The following PTPRB variants were observed in gnomAD, a reference collection of about 807,000 sequenced individuals.
PTPRB encodes the protein protein tyrosine phosphatase receptor type B, also known as receptor-type tyrosine-protein phosphatase beta.
PTPRB carries 97 observed loss-of-function variants against 238.1 expected under a neutral mutation model. The observed-to-expected ratio is 0.41, with a 90% confidence interval of 0.35 to 0.48. PTPRB has a LOEUF of 0.48. PTPRB is among the 20% of genes least tolerant of loss of function. PTPRB has a pLI of 0.30. For missense variants in PTPRB, 2,292 were observed against 2,681.9 expected (o/e 0.85, Z 3.21); for synonymous variants, 970 against 995.4 (o/e 0.97, Z 0.48).
chr12:70,617,860 G>A (rs1350081734), intron 3 of PTPRB, among the ~76,000 whole-genome samples: 3 of 151,892 alleles, frequency 2.0e-5, no homozygotes, highest in Non-Finnish European at 2.9e-5. Flanking sequence ...AGGGTGGGTG[G>A]GCAGGGAAAG....
intron 2 of PTPRB, among the ~76,000 whole-genome samples, chr12:70,632,082 A>G (rs1885476810): frequency 6.6e-6 from 1 of 152,192 alleles, no homozygotes; most frequent in Admixed American, 6.5e-5. Context: ...TACTGGGTAT[A>G]TACTCAAAGG....
intron 8 of PTPRB, among the ~76,000 whole-genome samples, chr12:70,588,628 TA>T (rs1882180746): frequency 6.6e-6 from 1 of 151,152 alleles, no homozygotes; most frequent in Non-Finnish European, 1.5e-5. Flanking sequence ...AGTGAAACTC[TA>T]TCTCAAAAAT....
intron 10 of PTPRB, among the ~76,000 whole-genome samples, chr12:70,578,085 C>T (rs531861845): frequency 6.6e-6 from 1 of 152,228 alleles, no homozygotes; most frequent in East Asian, 1.9e-4. Context: ...ATATGATTCA[C>T]ATGTTTAAGA....
chr12:70,611,417 T>C (rs1027198449), intron 3 of PTPRB, among the ~76,000 whole-genome samples: 1 of 152,216 alleles, frequency 6.6e-6, no homozygotes, highest in African/African-American at 2.4e-5. Context: ...GCCTTCCGTG[T>C]AGCTGGGATT....
intron 15 of PTPRB, 38 bp downstream of exon 15, chr12:70,566,397 G>A (rs1273784036): frequency 1.9e-6 from 3 of 1,598,722 alleles, no homozygotes; most frequent in Non-Finnish European, 2.6e-6. Context: ...GCAGACATTG[G>A]CAATATGTGC....
rs1270393778 is a variant in PTPRB, at chr12:70,572,763, G to T, written c.2843-676C>A. ...CACTCCAGCCTGGGTGATGGAGCAA[G>T]ACTCCATCTCATAAAAAAAAAAAAA... On this transcript the variant is annotated intron_variant, in intron 11 of 33. Coordinates refer to ENST00000334414, the MANE Select transcript of PTPRB (RefSeq NM_001109754.4). Among the ~76,000 whole-genome samples the T allele has an allele frequency of 9.4e-5, 11 of 116,742 alleles. No homozygotes were observed. In the Admixed American group the frequency reaches 1.0e-3, roughly 11 times the overall value. The allele number at this position is 116,742 out of a possible 152,430, so 76.6% of individuals were successfully genotyped here.
intron 9 of PTPRB, among the ~76,000 whole-genome samples, chr12:70,585,507 G>A (rs555491191): frequency 1.3e-5 from 2 of 152,058 alleles, no homozygotes; most frequent in Admixed American, 1.3e-4. Flanking sequence ...TCTTGTGTTA[G>A]TGAGTGATTT....
chr12:70,562,177 G>A (rs1000286038), intron 16 of PTPRB, among the ~76,000 whole-genome samples: 6 of 152,086 alleles, frequency 3.9e-5, no homozygotes, highest in African/African-American at 1.2e-4. Context: ...CCAGCTACTC[G>A]GGAGGCTGAA....
rs759247584 is a variant in PTPRB at position 70,635,954 on chromosome 12, C to CT, written c.167dup (p.Asp57GlyfsTer2). ...ATTTAACATGAAGGAGCTTTTCATC[C>CT]TCAGTCCACATCCACTGCTGGTTCT... is the stretch of plus-strand genomic sequence containing the variant. On this transcript the variant is annotated frameshift_variant, in exon 2 of 34. Coordinates refer to ENST00000334414, the MANE Select transcript of PTPRB (RefSeq NM_001109754.4). LOFTEE classifies it high-confidence loss of function. 1 of 1,613,592 alleles carries CT rather than the reference C, an allele frequency of 6.2e-7. No individual in the cohort carries two copies. The highest frequency in any genetic ancestry group is 2.2e-5 in the East Asian group (1 of 44,842).
intron 6 of PTPRB, among the ~76,000 whole-genome samples, chr12:70,593,284 G>A (rs192385144): frequency 1.3e-5 from 2 of 152,132 alleles, no homozygotes; most frequent in Admixed American, 6.5e-5. Context: ...AGGCCAAGGC[G>A]GGTGAATCAC....
chr12:70,626,333 ATCTATC>A (rs1412968767), intron 2 of PTPRB, among the ~76,000 whole-genome samples: 2 of 143,994 alleles, frequency 1.4e-5, no homozygotes, highest in African/African-American at 5.3e-5. Flanking sequence ...CTATCTATCT[ATCTATC>A]TATCTATCTA....
At chr12:70,600,458 T>C (rs1206252740) in intron 4 of PTPRB, among the ~76,000 whole-genome samples, 3 of 152,152 alleles carry the variant, frequency 2.0e-5, no homozygotes, top group Admixed American at 1.3e-4. Flanking sequence ...AAAATAAAAA[T>C]AGATGTCTAC....
rs758312833 is a variant in PTPRB at position 70,569,750 on chromosome 12, C to A, written c.3559G>T (p.Gly1187Trp). 6.2e-7 allele frequency: 1 copy of A among 1,613,878 alleles called. No individual in the cohort carries two copies. Among genetic ancestry groups the A allele is most frequent in the Non-Finnish European group, 8.5e-7 (1 of 1,179,864 alleles). Reference sequence around the variant, plus strand: ...GCAATCATGATCTGGTACTGCTCCCCGGCCTCCAGTCTGTGGAACGTGTGC... The same window carrying A: ...GCAATCATGATCTGGTACTGCTCCCAGGCCTCCAGTCTGTGGAACGTGTGC... ...FEHTFHRLEA[G>W]EQYQIMIASV... is the part of the protein sequence containing the mutation. Residue 1187 changes from glycine (G) to tryptophan (W), a missense_variant, in exon 14 of 34, where the codon GGG becomes TGG. By Grantham distance (184) the Gly-to-Trp change is radical. Coordinates refer to ENST00000334414, the MANE Select transcript of PTPRB (RefSeq NM_001109754.4).
Position 70,594,457 on chromosome 12 carries a change from G to A in PTPRB, c.1516+10C>T. On this transcript the variant is annotated intron_variant, in intron 6 of 33. Coordinates refer to ENST00000334414, the MANE Select transcript of PTPRB (RefSeq NM_001109754.4). ...CTTTATTCTTCTTCAGCTAGCTAGG[G>A]GGAACTTACCTGTCCTGACTAGTTT... 1 of 1,611,132 alleles carries A rather than the reference G, an allele frequency of 6.2e-7. No individual in the cohort carries two copies. The highest frequency in any genetic ancestry group is 8.5e-7 in the Non-Finnish European group (1 of 1,177,784).
Position 70,516,399 on chromosome 12 carries a change from C to T in PTPRB, c.*5090G>A, listed in dbSNP as rs1871200069. On this transcript the variant is annotated 3_prime_UTR_variant, in exon 34 of 34. Transcript: ENST00000334414. ...TTGAGGAATTTATAAGCCCAATAGT[C>T]CTGCATAGAAAACCAGAAATACTCT... is the stretch of plus-strand genomic sequence containing the variant. 1 of 152,144 alleles carries T rather than the reference C, an allele frequency of 6.6e-6. No individual in the cohort carries two copies. Among genetic ancestry groups the T allele is most frequent in the Non-Finnish European group, 1.5e-5 (1 of 68,032 alleles). 9.4% of individuals were successfully genotyped at this position (152,144 alleles called of 1,614,324 possible). A position where few individuals can be genotyped will look rare whatever the true frequency, so the allele number is the denominator to read the frequency against.
chr12:70,586,963 G>T, intron 9 of PTPRB, 44 bp downstream of exon 9: 3 of 1,550,066 alleles, frequency 1.9e-6, no homozygotes, highest in African/African-American at 2.7e-5. Flanking sequence ...TAGTAATTCA[G>T]CAGACAGAAC....
At chr12:70,562,766 A>G in intron 16 of PTPRB, 78 bp downstream of exon 16, 3 of 1,523,316 alleles carry the variant, frequency 2.0e-6, no homozygotes, top group East Asian at 2.3e-5. Context: ...ATAGGAAACT[A>G]AGGACCAACC....
intron 7 of PTPRB, 54 bp from the exon 8 acceptor site, chr12:70,590,287 A>G (rs939455552): frequency 1.2e-5 from 18 of 1,470,602 alleles, no homozygotes; most frequent in African/African-American, 2.8e-5. Context: ...AAGTAAGGAT[A>G]CTCATTTACT....
chr12:70,579,490 A>G (rs1026187287), intron 10 of PTPRB, among the ~76,000 whole-genome samples: 2 of 152,110 alleles, frequency 1.3e-5, no homozygotes, highest in Non-Finnish European at 2.9e-5. Context: ...CGAGGTCAGG[A>G]GATCGAGACC....
Sources: gnomAD v4.1 joint callset for allele counts (sites outside exome capture counted in the v4.1 genomes callset) on GRCh38, gnomAD v4.1.1 for gene constraint, MANE v1.5 for transcripts, NCBI Gene and HGNC (gene_info 2026-07-23, HGNC 2026-07-21) for gene names.